Variants in MSI2 observed in about 807,000 individuals in gnomAD.
MSI2 encodes musashi RNA binding protein 2, also known as RNA-binding protein Musashi homolog 2.
MSI2 carries 17 observed loss-of-function variants against 45.6 expected under a neutral mutation model. That is an observed-to-expected ratio of 0.37 (90% CI 0.26 to 0.56). MSI2 has a LOEUF of 0.56. Among genes scored for constraint, MSI2 ranks in the 20% least tolerant of loss-of-function variants. The pLI is 0.77. For synonymous variants in MSI2, 156 were observed against 158.2 expected, an observed-to-expected ratio of 0.99 and a Z score of 0.11; for missense variants, 293 against 444.2, an observed-to-expected ratio of 0.66 and a Z score of 3.06.
intron 5 of MSI2, among the ~76,000 whole-genome samples, chr17:57,313,152 G>A (rs552672463): frequency 7.9e-5 from 12 of 152,200 alleles, no homozygotes; most frequent in East Asian, 3.9e-4. Context: ...GCCGGCATTC[G>A]TTTTCTGATG....
intron 8 of MSI2, among the ~76,000 whole-genome samples, chr17:57,615,251 C>G (rs1907572576): frequency 6.6e-6 from 1 of 151,894 alleles, no homozygotes; most frequent in Non-Finnish European, 1.5e-5. Flanking sequence ...CCTCAGCCTC[C>G]CAGGTAGCTG....
intron 6 of MSI2, among the ~76,000 whole-genome samples, chr17:57,464,510 G>T (rs1232244382): frequency 6.6e-6 from 1 of 152,196 alleles, no homozygotes; most frequent in African/African-American, 2.4e-5. Flanking sequence ...TTCTGGAAGG[G>T]TCTGGACAGA....
intron 7 of MSI2, among the ~76,000 whole-genome samples, chr17:57,582,854 A>T (rs2088241078): frequency 6.6e-6 from 1 of 152,032 alleles, no homozygotes; most frequent in Admixed American, 6.6e-5. Flanking sequence ...CTGTTTCCGG[A>T]TTTTAAAAGT....
chr17:57,427,907 C>T (rs1421792873), intron 6 of MSI2, among the ~76,000 whole-genome samples: 1 of 151,992 alleles, frequency 6.6e-6, no homozygotes, highest in African/African-American at 2.4e-5. Flanking sequence ...TTCCCTTTCC[C>T]ACATATTTTG....
intron 5 of MSI2, among the ~76,000 whole-genome samples, chr17:57,291,520 C>A (rs1910415852): frequency 6.6e-6 from 1 of 152,126 alleles, no homozygotes; most frequent in South Asian, 2.1e-4. Flanking sequence ...TTTAATGTTG[C>A]AGAATCTGAA....
intron 7 of MSI2, chr17:57,565,905 A>G (rs2144276757): frequency 6.6e-6 from 1 of 152,322 alleles, no homozygotes; most frequent in Middle Eastern, 3.4e-3. Flanking sequence ...CCTAAGTAAC[A>G]TCTGTTTACT....
chr17:57,348,713 C>T (rs919063395), intron 5 of MSI2, among the ~76,000 whole-genome samples: 2 of 152,046 alleles, frequency 1.3e-5, no homozygotes, highest in Admixed American at 1.3e-4. Flanking sequence ...AACCGCGAGC[C>T]AAAAAACTTC....
At chr17:57,372,055 A>G (rs904185498) in intron 5 of MSI2, among the ~76,000 whole-genome samples, 1 of 152,114 alleles carries the variant, frequency 6.6e-6, no homozygotes, top group Non-Finnish European at 1.5e-5. Context: ...TGAGAGATTA[A>G]CTTAATTTAA....
chr17:57,560,420 G>C (rs1261983603), intron 7 of MSI2, among the ~76,000 whole-genome samples: 1 of 152,180 alleles, frequency 6.6e-6, no homozygotes, highest in Non-Finnish European at 1.5e-5. Flanking sequence ...CTTCCATGGG[G>C]ATTTACAAGG....
At chr17:57,583,544 G>C (rs951835728) in intron 7 of MSI2, among the ~76,000 whole-genome samples, 10 of 145,296 alleles carry the variant, frequency 6.9e-5, no homozygotes, top group Non-Finnish European at 1.2e-4. Flanking sequence ...GGCCGCAGTG[G>C]CATGATCTTA....
chr17:57,332,688 TGAGA>T (rs1353352721), intron 5 of MSI2, among the ~76,000 whole-genome samples: 1 of 152,094 alleles, frequency 6.6e-6, no homozygotes, highest in Non-Finnish European at 1.5e-5. Flanking sequence ...TTGCTTCTCT[TGAGA>T]GAGAGAAAGA....
chr17:57,545,071 G>A (rs933649601), intron 7 of MSI2, among the ~76,000 whole-genome samples: 2 of 152,194 alleles, frequency 1.3e-5, no homozygotes, highest in African/African-American at 2.4e-5. Context: ...CGTTTGGTGG[G>A]GGAGGTGGGG....
At chr17:57,325,503 G>A (rs994329811) in intron 5 of MSI2, among the ~76,000 whole-genome samples, 26 of 152,218 alleles carry the variant, frequency 1.7e-4, no homozygotes, top group Non-Finnish European at 2.2e-4. Flanking sequence ...AAAAAGGGAC[G>A]TGTTTGAGTC....
chr17:57,674,843 C>T, intron 11 of MSI2, 129 bp from the exon 12 acceptor site: 2 of 1,388,686 alleles, frequency 1.4e-6, no homozygotes, highest in Non-Finnish European at 1.9e-6. Context: ...CTGTTTTTCT[C>T]AAGTGTTTGG....
chr17:57,662,648 C>T (rs912710669), intron 11 of MSI2, among the ~76,000 whole-genome samples: 8 of 152,236 alleles, frequency 5.3e-5, no homozygotes, highest in African/African-American at 1.9e-4. Flanking sequence ...GATGGCTGAG[C>T]CAGGCTCTGC....
intron 6 of MSI2, among the ~76,000 whole-genome samples, chr17:57,414,902 G>A (rs1304766174): frequency 6.6e-6 from 1 of 152,168 alleles, no homozygotes; most frequent in Non-Finnish European, 1.5e-5. Context: ...TAGATTCTCA[G>A]GCAGGTTTCG....
chr17:57,493,695 T>C (rs768378119), intron 6 of MSI2, among the ~76,000 whole-genome samples: 3 of 151,138 alleles, frequency 2.0e-5, no homozygotes, highest in Non-Finnish European at 4.4e-5. Context: ...AGAAGGAGTA[T>C]TGGAGATCCC....
intron 6 of MSI2, among the ~76,000 whole-genome samples, chr17:57,480,494 G>A (rs1189860534): frequency 6.6e-6 from 1 of 152,174 alleles, no homozygotes; most frequent in African/African-American, 2.4e-5. Context: ...GAGTTTTGAA[G>A]CTGCAGAAGA....
intron 6 of MSI2, among the ~76,000 whole-genome samples, chr17:57,402,499 C>T (rs1487482073): frequency 3.3e-5 from 5 of 152,202 alleles, no homozygotes; most frequent in South Asian, 2.1e-4. Context: ...TTTCCTCCCA[C>T]GATGGGTGTC....
Sources: gnomAD v4.1 joint callset for allele counts (sites outside exome capture counted in the v4.1 genomes callset) on GRCh38, gnomAD v4.1.1 for gene constraint, MANE v1.5 for transcripts, NCBI Gene and HGNC (gene_info 2026-07-23, HGNC 2026-07-21) for gene names.